The following IFT88 variants were observed in gnomAD, a reference collection of about 807,000 sequenced individuals.
IFT88 encodes the protein intraflagellar transport 88, also known as intraflagellar transport protein 88 homolog.
Under a neutral mutation model 119.5 loss-of-function variants are expected in IFT88, and 74 were observed. That is an observed-to-expected ratio of 0.62 (90% confidence interval 0.51 to 0.75). IFT88 has a LOEUF of 0.75. Ranked by LOEUF, IFT88 falls within the 30% of genes least tolerant of loss-of-function variation. The probability of loss-of-function intolerance (pLI) is 0.00; values close to 1 mark genes in which losing one functional copy is unlikely to be tolerated. For synonymous variants in IFT88, 279 were observed against 316.7 expected, an observed-to-expected ratio of 0.88 and a Z score of 1.26; for missense variants, 961 against 977.7, an observed-to-expected ratio of 0.98 and a Z score of 0.23.
At position 20,688,203 on chromosome 13, in the gene IFT88, C is replaced by T. The variant is rs146840563; in HGVS notation, c.2243-2502C>T. 2.9e-3 allele frequency among the ~76,000 whole-genome samples: 445 copies of T among 152,260 alleles called. 4 individuals carry two copies. The highest frequency in any genetic ancestry group is 0.013 in the South Asian group (64 of 4,820). ...ATACAACAACAACAAAAAAATTAGCCGGGCGTGGTAGCGCATGCCTGTAAT... is the reference window on the plus strand; with the variant it reads ...ATACAACAACAACAAAAAAATTAGCTGGGCGTGGTAGCGCATGCCTGTAAT... On this transcript the variant is annotated intron_variant, in intron 24 of 25. Coordinates refer to ENST00000351808, the MANE Select transcript of IFT88 (RefSeq NM_006531.5).
intron 13 of IFT88, chr13:20,612,281 C>G (rs1164800127): frequency 6.6e-6 from 1 of 152,094 alleles, no homozygotes; most frequent in Non-Finnish European, 1.5e-5. Flanking sequence ...GGACCTTGCT[C>G]CATCTGCTGT....
chr13:20,620,442 G>GTA (rs1468850495), intron 14 of IFT88, among the ~76,000 whole-genome samples: 3 of 152,120 alleles, frequency 2.0e-5, no homozygotes, highest in African/African-American at 7.2e-5. Context: ...TTGATATCTG[G>GTA]TAGTGCTATG....
intron 16 of IFT88, among the ~76,000 whole-genome samples, chr13:20,632,294 AT>A (rs1370773311): frequency 2.0e-5 from 3 of 152,070 alleles, no homozygotes; most frequent in African/African-American, 7.2e-5. Context: ...ATGATCCGAG[AT>A]TTAATTCTGT....
chr13:20,677,119 C>T (rs1399376267), intron 24 of IFT88, among the ~76,000 whole-genome samples: 1 of 152,136 alleles, frequency 6.6e-6, no homozygotes, highest in South Asian at 2.1e-4. Context: ...TTTAAGTTTG[C>T]CACATAACAA....
chr13:20,669,504 A>T (rs748961189), intron 23 of IFT88, among the ~76,000 whole-genome samples: 21 of 147,508 alleles, frequency 1.4e-4, no homozygotes, highest in Admixed American at 6.1e-4. Context: ...GCTCACTGCA[A>T]CCCCCACCTC....
intron 18 of IFT88, 47 bp downstream of exon 18, chr13:20,641,445 G>T (rs2140298232): frequency 1.8e-6 from 2 of 1,087,952 alleles, no homozygotes; most frequent in East Asian, 5.0e-5. Flanking sequence ...TCTCTCAATT[G>T]GTGATTGAAG....
intron 3 of IFT88, among the ~76,000 whole-genome samples, chr13:20,589,484 G>T (rs186509475): frequency 6.6e-6 from 1 of 152,136 alleles, no homozygotes; most frequent in Non-Finnish European, 1.5e-5. Context: ...TGTGTCTATT[G>T]TTTGGCCTAG....
intron 2 of IFT88, among the ~76,000 whole-genome samples, chr13:20,580,244 G>A (rs1052891114): frequency 4.6e-5 from 7 of 152,038 alleles, no homozygotes; most frequent in African/African-American, 1.4e-4. Flanking sequence ...TCTGCCAGAC[G>A]CGGGGACTCA....
intron 20 of IFT88, among the ~76,000 whole-genome samples, chr13:20,650,018 A>G (rs2051360807): frequency 6.6e-6 from 1 of 152,198 alleles, no homozygotes; most frequent in Non-Finnish European, 1.5e-5. Context: ...GCCATGGGCT[A>G]CATGGATTCA....
chr13:20,672,637 G>T (rs1167324858), intron 24 of IFT88, among the ~76,000 whole-genome samples: 1 of 152,224 alleles, frequency 6.6e-6, no homozygotes, highest in Non-Finnish European at 1.5e-5. Context: ...GGGGCCAGGT[G>T]TGTTGTGGAA....
chr13:20,596,879 G>C (rs1243953653), intron 8 of IFT88, 136 bp from the exon 9 acceptor site: 8 of 477,594 alleles, frequency 1.7e-5, no homozygotes, highest in Non-Finnish European at 2.6e-5. Context: ...GAAGTTTCTG[G>C]TAAGAGCACA....
At chr13:20,596,090 T>A in intron 7 of IFT88, 60 bp from the exon 8 acceptor site, 2 of 511,312 alleles carry the variant, frequency 3.9e-6, no homozygotes, top group East Asian at 8.0e-5. Context: ...TAAAATAAAT[T>A]TTAGTATAGA....
intron 16 of IFT88, among the ~76,000 whole-genome samples, chr13:20,634,802 AT>A (rs34571895): frequency 0.65 from 96,134 of 147,436 alleles, 32,090 homozygotes; most frequent in Middle Eastern, 0.77. Flanking sequence ...AGATTTCTTT[AT>A]TTTTTTTTTT....
At chr13:20,589,685 G>C (rs901921982) in intron 3 of IFT88, 126 bp from the exon 4 acceptor site, 36 of 413,824 alleles carry the variant, frequency 8.7e-5, no homozygotes, top group African/African-American at 7.2e-4. Context: ...TAATTTAAAA[G>C]AAATCATTCT....
chr13:20,658,098 A>AT (rs763686060), intron 22 of IFT88, among the ~76,000 whole-genome samples: 467 of 143,100 alleles, frequency 3.3e-3, no homozygotes, highest in South Asian at 0.019. Flanking sequence ...TAATTCTAGA[A>AT]TTTTTTTTTT....
At chr13:20,616,570 C>T (rs2045643866) in intron 14 of IFT88, among the ~76,000 whole-genome samples, 1 of 152,134 alleles carries the variant, frequency 6.6e-6, no homozygotes, top group Non-Finnish European at 1.5e-5. Flanking sequence ...TGTTGTAGGC[C>T]ATGCCATATA....
rs371360517 is a variant in IFT88, at chr13:20,628,627, A to G, written c.1300-2389A>G. Among the ~76,000 whole-genome samples, 85 of 152,356 alleles carry G rather than the reference A, an allele frequency of 5.6e-4. 1 individual carries two copies. The South Asian group carries it at 0.016, about 29-fold the overall frequency. ...TATGAAAACAGCCTATTTCAAAACA[A>G]AAACTTGAGCGAAAAAATACCCGAG... is the stretch of plus-strand genomic sequence containing the variant. On this transcript the variant is annotated intron_variant, in intron 15 of 25. Transcript: ENST00000351808.
At position 20,651,281 on chromosome 13, in the gene IFT88, T is replaced by C. The variant is rs1056103601; in HGVS notation, c.1950-2595T>C. Among the ~76,000 whole-genome samples, 17 of 151,874 alleles carry C rather than the reference T, an allele frequency of 1.1e-4. No homozygotes were observed. In the South Asian group the frequency reaches 3.1e-3, roughly 28 times the overall value. On this transcript the variant is annotated intron_variant, in intron 20 of 25. Transcript: ENST00000351808. Reference sequence around the variant, plus strand: ...GAGTAGTATTGTTTTCTTAAAAATATTAAGTCTTCCAATTCAAGCACACAC... The same window carrying C: ...GAGTAGTATTGTTTTCTTAAAAATACTAAGTCTTCCAATTCAAGCACACAC...
In IFT88 at chr13:20,638,476, C is replaced by A; in HGVS notation, c.1531C>A (p.Leu511Ile). 6.6e-7 allele frequency: 1 copy of A among 1,516,834 alleles called. No homozygotes were observed. The highest frequency in any genetic ancestry group is 8.8e-7 in the Non-Finnish European group (1 of 1,140,246). The allele number at this position is 1,516,834 out of a possible 1,614,324, so 94.0% of individuals were successfully genotyped here. The change falls in exon 17 of 26, where the codon CTA (leucine) becomes ATA (isoleucine). Residue 511 changes from leucine to isoleucine, a missense_variant. Coordinates refer to ENST00000351808, the MANE Select transcript of IFT88 (RefSeq NM_006531.5). ...GGCCGCTGAATTCTATAAAGAGGCT[C>A]TAAGAAATGATTCTTCTTGTACTGA... Reference protein sequence around the residue: ...EKAAEFYKEALRNDSSCTEAL... With the variant: ...EKAAEFYKEAIRNDSSCTEAL...
Sources: allele counts gnomAD v4.1 joint callset (sites outside exome capture counted in the v4.1 genomes callset), GRCh38; gene constraint gnomAD v4.1.1; transcripts MANE v1.5; gene names NCBI Gene and HGNC (gene_info 2026-07-23, HGNC 2026-07-21).